The following PAFAH1B2 variants were observed in gnomAD, a reference collection of about 807,000 sequenced individuals.
PAFAH1B2 encodes the protein platelet-activating factor acetylhydrolase IB subunit alpha2.
In PAFAH1B2, 8 loss-of-function variants were observed where a neutral mutation model predicts 28.0. The ratio of observed to expected loss-of-function variants is 0.29; its 90% CI spans 0.17 to 0.52. The LOEUF (loss-of-function observed/expected upper bound fraction) is 0.52. Ranked by LOEUF, PAFAH1B2 falls within the 20% of genes least tolerant of loss-of-function variation. The pLI is 0.97. For missense variants in PAFAH1B2, 190 were observed against 282.6 expected (o/e 0.67, Z 2.35); for synonymous variants, 104 against 103.2 (o/e 1.01, Z -0.05).
intron 3 of PAFAH1B2, among the ~76,000 whole-genome samples, chr11:117,160,252 G>A (rs1288014223): frequency 1.3e-5 from 2 of 152,064 alleles, no homozygotes; most frequent in Admixed American, 6.6e-5. Context: ...TTCTACTCTG[G>A]TTTCCAAGAG....
intron 5 of PAFAH1B2, among the ~76,000 whole-genome samples, chr11:117,167,021 TG>T (rs1239818984): frequency 6.6e-6 from 1 of 152,232 alleles, no homozygotes; most frequent in Non-Finnish European, 1.5e-5. Flanking sequence ...TTGCAGATGT[TG>T]GAATGACCAG....
At chr11:117,145,603 C>T (rs1478179357) in intron 1 of PAFAH1B2, among the ~76,000 whole-genome samples, 1 of 152,140 alleles carries the variant, frequency 6.6e-6, no homozygotes, top group Non-Finnish European at 1.5e-5. Flanking sequence ...AGTTTGTTGG[C>T]TTGGGCATTT....
intron 1 of PAFAH1B2, among the ~76,000 whole-genome samples, chr11:117,149,430 G>GTTTTTTGTTTTT (rs1555027906): frequency 1.2e-5 from 1 of 86,050 alleles, no homozygotes; most frequent in Non-Finnish European, 2.2e-5. Context: ...TTTTCTAATC[G>GTTTTTTGTTTTT]TTTTTTTTTT....
At position 117,168,407 on chromosome 11, in the gene PAFAH1B2, T is replaced by TTCA. The variant is rs1301643966; in HGVS notation, c.*710_*712dup. 4 of 1,018,570 alleles carry TTCA rather than the reference T, an allele frequency of 3.9e-6. No homozygotes were observed. The highest frequency in any genetic ancestry group is 4.7e-6 in the Non-Finnish European group (4 of 849,374). The allele number at this position is 1,018,570 out of a possible 1,614,324, so 63.1% of individuals were successfully genotyped here. A position where few individuals can be genotyped will look rare whatever the true frequency, so the allele number is the denominator to read the frequency against. On this transcript the variant is annotated 3_prime_UTR_variant, in exon 6 of 6. Coordinates refer to ENST00000527958, the MANE Select transcript of PAFAH1B2 (RefSeq NM_002572.4). Reference sequence around the variant, plus strand: ...ATGCAGCCTTTCCTCCTTATTCCCCTTCATGCCCCCCTTTCCCCTTCATTC... The same window carrying TTCA: ...ATGCAGCCTTTCCTCCTTATTCCCCTTCATCATGCCCCCCTTTCCCCTTCATTC...
chr11:117,169,239 A>T lies in PAFAH1B2; in HGVS notation c.*1540A>T. The T allele has an allele frequency of 9.6e-7, 1 of 1,036,928 alleles. No homozygotes were observed. The allele number at this position is 1,036,928 out of a possible 1,614,324, so 64.2% of individuals were successfully genotyped here. A position where few individuals can be genotyped will look rare whatever the true frequency, so the allele number is the denominator to read the frequency against. ...TGTTTCACTTCTGAGGTGTCTTATT[A>T]ATGTACTTCATCTGAGAATTTGTTG... On this transcript the variant is annotated 3_prime_UTR_variant, in exon 6 of 6. Coordinates refer to ENST00000527958, the MANE Select transcript of PAFAH1B2 (RefSeq NM_002572.4).
intron 2 of PAFAH1B2, among the ~76,000 whole-genome samples, chr11:117,156,818 C>T (rs897077774): frequency 6.6e-6 from 1 of 151,960 alleles, no homozygotes; most frequent in East Asian, 1.9e-4. Context: ...AGTTCCAGAC[C>T]AGCCTGGGAA....
In PAFAH1B2 at chr11:117,144,763, G is replaced by A. The variant is rs1384833607; in HGVS notation, c.-8+345G>A. Among the ~76,000 whole-genome samples, 23 of 151,032 alleles carry A rather than the reference G, an allele frequency of 1.5e-4. 1 individual carries two copies. The highest frequency in any genetic ancestry group is 1.2e-3 in the Admixed American group (18 of 15,240). ...GCCCCGCCCCGCCCTGCCCTGCCCT[G>A]CCCTGCCGGGCCCACCCGCGGTAGG... On this transcript the variant is annotated intron_variant, in intron 1 of 5. Coordinates refer to ENST00000527958, the MANE Select transcript of PAFAH1B2 (RefSeq NM_002572.4).
chr11:117,153,353 T>A (rs1203575675), intron 2 of PAFAH1B2, among the ~76,000 whole-genome samples: 1 of 147,108 alleles, frequency 6.8e-6, no homozygotes. Context: ...TTATTGTGTC[T>A]GTATCTATTT....
Position 117,169,002 on chromosome 11 carries a change from G to A in PAFAH1B2, c.*1303G>A, listed in dbSNP as rs1490091542. On this transcript the variant is annotated 3_prime_UTR_variant, in exon 6 of 6. Coordinates refer to ENST00000527958, the MANE Select transcript of PAFAH1B2 (RefSeq NM_002572.4). ...GACGGGATTTCGCCATGTTAACCAG[G>A]CTGGTCTCGAACTCCTGACCTCAGG... is the stretch of plus-strand genomic sequence containing the variant. The A allele has an allele frequency of 4.9e-6, 2 of 406,710 alleles. No homozygotes were observed. The highest frequency in any genetic ancestry group is 8.5e-5 in the East Asian group (1 of 11,830). The allele number at this position is 406,710 out of a possible 1,614,324, so 25.2% of individuals were successfully genotyped here.
chr11:117,149,097 G>C (rs936015298), intron 1 of PAFAH1B2, among the ~76,000 whole-genome samples: 1 of 145,062 alleles, frequency 6.9e-6, no homozygotes, highest in African/African-American at 2.6e-5. Flanking sequence ...TGGTCAGGCT[G>C]GTCTTGAACT....
downstream of PAFAH1B2, chr11:117,175,027 C>T: frequency 7.2e-7 from 1 of 1,391,270 alleles, no homozygotes; most frequent in Non-Finnish European, 9.3e-7. Context: ...ACTCATGGGT[C>T]CAGCAAGCTC....
chr11:117,174,164 TTGTGTGTGTG>T (rs55735449), downstream of PAFAH1B2, among the ~76,000 whole-genome samples: 251 of 138,918 alleles, frequency 1.8e-3, no homozygotes, highest in Middle Eastern at 0.018. Flanking sequence ...TTCATGTCTT[TTGTGTGTGTG>T]TGTGTGTGTG....
chr11:117,152,245 G>A (rs1342134086), intron 1 of PAFAH1B2, among the ~76,000 whole-genome samples, 196 bp from the exon 2 acceptor site: 1 of 152,174 alleles, frequency 6.6e-6, no homozygotes, highest in Non-Finnish European at 1.5e-5. Flanking sequence ...GTTTAGTGGT[G>A]CTATCTTTAT....
chr11:117,167,549 G>A lies in PAFAH1B2; in HGVS notation c.540G>A (p.Val180=). 1 of 1,613,126 alleles carries A rather than the reference G, an allele frequency of 6.2e-7. No individual in the cohort carries two copies. Among genetic ancestry groups the A allele is most frequent in the Non-Finnish European group, 8.5e-7 (1 of 1,179,502 alleles). The change falls in exon 6 of 6, where the codon GTG becomes GTA. Residue 180 remains valine (V), a synonymous_variant. Transcript: ENST00000527958. ...TCCTGGATACCGACGGGGGTTTTGT[G>A]CACTCGGACGGTGCCATCTCCTGCC... ...VQLLDTDGGF[V]HSDGAISCHD...
downstream of PAFAH1B2, among the ~76,000 whole-genome samples, chr11:117,173,520 C>G (rs1469263512): frequency 6.6e-6 from 1 of 151,912 alleles, no homozygotes; most frequent in Admixed American, 6.6e-5. Context: ...TTTTCTTTTT[C>G]TTTGAATGGA....
Position 117,170,348 on chromosome 11 carries a change from T to A in PAFAH1B2, c.*2649T>A, listed in dbSNP as rs1242080932. The A allele has an allele frequency of 2.8e-6, 3 of 1,060,842 alleles. No individual in the cohort carries two copies. The African/African-American group carries it at 5.0e-5, about 18-fold the overall frequency. 65.7% of individuals were successfully genotyped at this position (1,060,842 alleles called of 1,614,324 possible). A position where few individuals can be genotyped will look rare whatever the true frequency, so the allele number is the denominator to read the frequency against. Reference sequence around the variant, plus strand: ...TTGTATTCCTTCGCCCACGCATTCCTGCTATACTAGATGGCAGCCAGTGAT... The same window carrying A: ...TTGTATTCCTTCGCCCACGCATTCCAGCTATACTAGATGGCAGCCAGTGAT... On this transcript the variant is annotated 3_prime_UTR_variant, in exon 6 of 6. Coordinates refer to ENST00000527958, the MANE Select transcript of PAFAH1B2 (RefSeq NM_002572.4).
intron 1 of PAFAH1B2, among the ~76,000 whole-genome samples, chr11:117,144,756 C>CTGCCA (rs1565256931): frequency 1.3e-5 from 2 of 152,088 alleles, no homozygotes; most frequent in Non-Finnish European, 2.9e-5. Flanking sequence ...CCGCCCTGCC[C>CTGCCA]TGCCCTGCCC....
At chr11:117,145,641 G>A (rs891842719) in intron 1 of PAFAH1B2, among the ~76,000 whole-genome samples, 4 of 152,140 alleles carry the variant, frequency 2.6e-5, no homozygotes, top group Non-Finnish European at 5.9e-5. Flanking sequence ...GTGCTGGACC[G>A]GAGGAACCAC....
At chr11:117,152,355 T>A (rs1956170912) in intron 1 of PAFAH1B2, 86 bp from the exon 2 acceptor site, 1 of 754,946 alleles carries the variant, frequency 1.3e-6, no homozygotes, top group Admixed American at 2.4e-5. Flanking sequence ...CTTTAATTAT[T>A]ATTTAAAGCC....
Sources: allele counts gnomAD v4.1 joint callset (sites outside exome capture counted in the v4.1 genomes callset), GRCh38; gene constraint gnomAD v4.1.1; transcripts MANE v1.5; gene names NCBI Gene and HGNC (gene_info 2026-07-23, HGNC 2026-07-21).